OLA1: variants seen among roughly 807,000 people sequenced by gnomAD.
The protein encoded by OLA1 is Obg like ATPase 1, also known as obg-like ATPase 1.
A neutral mutation model predicts 48.4 loss-of-function variants in OLA1; 14 were observed. The observed-to-expected ratio is 0.29, with a 90% CI of 0.19 to 0.45. The LOEUF is 0.45. Among genes scored for constraint, OLA1 ranks in the 20% least tolerant of loss-of-function variants. OLA1 has a pLI of 1.00. For synonymous variants in OLA1, 127 were observed against 150.4 expected (o/e 0.84, Z 1.14); for missense variants, 325 against 467.1 (o/e 0.70, Z 2.80).
chr2:174,141,856 C>T lies in OLA1; in HGVS notation c.518G>A (p.Arg173Lys). The T allele has an allele frequency of 6.2e-7, 1 of 1,609,060 alleles. No individual in the cohort carries two copies. Among genetic ancestry groups the T allele is most frequent in the Non-Finnish European group, 8.5e-7 (1 of 1,179,212 alleles). The change falls in exon 5 of 11, where the codon AGA becomes AAA. Residue 173 changes from arginine (R) to lysine (K), a missense_variant. Physicochemically the swap from Arg to Lys is conservative, Grantham distance 26. Transcript: ENST00000284719. ...IIDKLEKVAV[R>K]GGDKKLKPEY... Reference sequence around the variant, plus strand: ...AGGTTTTAGTTTTTTATCTCCTCCTCTCACAGCCACCTTTTCTAGTTTATC... The same window carrying T: ...AGGTTTTAGTTTTTTATCTCCTCCTTTCACAGCCACCTTTTCTAGTTTATC...
chr2:174,082,589 G>A (rs886830059), intron 7 of OLA1, among the ~76,000 whole-genome samples: 2 of 152,112 alleles, frequency 1.3e-5, no homozygotes, highest in Admixed American at 6.6e-5. Context: ...TTTTGAGGAA[G>A]CTTTTTCCTA....
chr2:174,130,066 C>G (rs1686143167), intron 5 of OLA1, among the ~76,000 whole-genome samples: 1 of 152,242 alleles, frequency 6.6e-6, no homozygotes, highest in East Asian at 1.9e-4. Flanking sequence ...ATACAGCATC[C>G]TCCAACTATT....
chr2:174,196,882 G>C (rs566988339), intron 4 of OLA1, among the ~76,000 whole-genome samples: 1 of 152,122 alleles, frequency 6.6e-6, no homozygotes, highest in African/African-American at 2.4e-5. Flanking sequence ...ACCTAAAAAA[G>C]AAGCTGAATC....
Position 174,101,903 on chromosome 2 carries a change from A to G in OLA1, c.729-19839T>C, listed in dbSNP as rs149975015. Among the ~76,000 whole-genome samples the G allele has an allele frequency of 7.0e-3, 1,068 of 152,332 alleles. 15 individuals are homozygous for G. The highest frequency in any genetic ancestry group is 0.023 in the African/African-American group (973 of 41,566). Reference sequence around the variant, plus strand: ...TGAAGAGCCCAAGCCTAAATGACTCACAGGGTGCCAATACTAACAAAGACA... The same window carrying G: ...TGAAGAGCCCAAGCCTAAATGACTCGCAGGGTGCCAATACTAACAAAGACA... On this transcript the variant is annotated intron_variant, in intron 7 of 10. Coordinates refer to ENST00000284719, the MANE Select transcript of OLA1 (RefSeq NM_013341.5).
chr2:174,089,273 C>T (rs925532266), intron 7 of OLA1, among the ~76,000 whole-genome samples: 2 of 152,180 alleles, frequency 1.3e-5, no homozygotes, highest in African/African-American at 4.8e-5. Context: ...TTAACAAGCT[C>T]CCTGGGTGAT....
chr2:174,127,708 G>A (rs1686074706), intron 5 of OLA1, among the ~76,000 whole-genome samples: 1 of 152,080 alleles, frequency 6.6e-6, no homozygotes, highest in Non-Finnish European at 1.5e-5. Context: ...TAGTGACTTT[G>A]ATGGCAATAC....
chr2:174,189,466 A>G (rs1239076395), intron 4 of OLA1, among the ~76,000 whole-genome samples: 1 of 152,158 alleles, frequency 6.6e-6, no homozygotes, highest in Non-Finnish European at 1.5e-5. Flanking sequence ...AGAACAATAC[A>G]ATAAGGGACA....
At chr2:174,247,380 A>C (rs1689150284) in intron 1 of OLA1, 2 of 286,348 alleles carry the variant, frequency 7.0e-6, no homozygotes, top group Non-Finnish European at 1.3e-5. Context: ...TTAAATAAAT[A>C]AATAAATAAA....
intron 2 of OLA1, among the ~76,000 whole-genome samples, chr2:174,235,229 G>A (rs182491070): frequency 6.6e-6 from 1 of 152,248 alleles, no homozygotes; most frequent in East Asian, 1.9e-4. Context: ...CACAGTTACT[G>A]CTGAATACTA....
chr2:174,077,114 A>G (rs1684757897), intron 10 of OLA1, among the ~76,000 whole-genome samples: 1 of 152,158 alleles, frequency 6.6e-6, no homozygotes, highest in Admixed American at 6.6e-5. Flanking sequence ...CCATTTGTGA[A>G]TCTTGAGTAT....
intron 7 of OLA1, among the ~76,000 whole-genome samples, chr2:174,112,923 C>T (rs1050541682): frequency 3.3e-5 from 5 of 152,090 alleles, no homozygotes; most frequent in Admixed American, 2.0e-4. Flanking sequence ...ACTCCCTCAC[C>T]CCATCACTGA....
chr2:174,162,599 T>C (rs1162507596), intron 4 of OLA1, among the ~76,000 whole-genome samples: 2 of 152,250 alleles, frequency 1.3e-5, no homozygotes, highest in African/African-American at 2.4e-5. Flanking sequence ...TTTCAAACCA[T>C]GGCAATAATA....
In OLA1 at chr2:174,123,179, C is replaced by T. The variant is rs1205129430; in HGVS notation, c.728+1G>A. 1.4e-6 allele frequency: 2 copies of T among 1,454,766 alleles called. No individual in the cohort carries two copies. The highest frequency in any genetic ancestry group is 1.9e-6 in the Non-Finnish European group (2 of 1,040,846). The allele number at this position is 1,454,766 out of a possible 1,614,324, so 90.1% of individuals were successfully genotyped here. On this transcript the variant is annotated splice_donor_variant, in intron 7 of 10. Coordinates refer to ENST00000284719, the MANE Select transcript of OLA1 (RefSeq NM_013341.5). LOFTEE classifies it high-confidence loss of function. ...GGTATATCTGGTGAGGAAAAACTTA[C>T]CATTTGTTTTTCTTTCTAATGTAGT...
intron 4 of OLA1, among the ~76,000 whole-genome samples, chr2:174,148,697 T>C (rs1041995324): frequency 2.0e-5 from 3 of 152,168 alleles, no homozygotes; most frequent in African/African-American, 7.2e-5. Flanking sequence ...CACAGGGAAA[T>C]GCATGTCATT....
chr2:174,246,890 C>A (rs528915929), intron 1 of OLA1, 75 bp from the exon 2 acceptor site: 51 of 796,536 alleles, frequency 6.4e-5, no homozygotes, highest in South Asian at 9.6e-5. Context: ...TCATCACATA[C>A]AATATATTAT....
intron 4 of OLA1, among the ~76,000 whole-genome samples, chr2:174,144,941 A>ATATATATAT (rs1188016243): frequency 4.7e-5 from 3 of 64,296 alleles, no homozygotes; most frequent in Non-Finnish European, 6.2e-5. Context: ...AAAAAAAAAA[A>ATATATATAT]AAAAAAAAAA....
At chr2:174,219,577 G>A (rs1688452406) in intron 4 of OLA1, among the ~76,000 whole-genome samples, 1 of 151,712 alleles carries the variant, frequency 6.6e-6, no homozygotes, top group Non-Finnish European at 1.5e-5. Context: ...ACAGGCACAT[G>A]CCACCATACC....
intron 4 of OLA1, among the ~76,000 whole-genome samples, chr2:174,222,198 T>C (rs1252325074): frequency 1.3e-5 from 2 of 152,164 alleles, no homozygotes; most frequent in Non-Finnish European, 2.9e-5. Context: ...TGGTGTTTTA[T>C]AAAAGGCACA....
At chr2:174,092,052 G>A (rs1483968868) in intron 7 of OLA1, among the ~76,000 whole-genome samples, 1 of 150,034 alleles carries the variant, frequency 6.7e-6, no homozygotes, top group African/African-American at 2.5e-5. Context: ...ACTTGAACCT[G>A]GGAGGCGGAG....
Sources: gnomAD v4.1 joint callset for allele counts (sites outside exome capture counted in the v4.1 genomes callset) on GRCh38, gnomAD v4.1.1 for gene constraint, MANE v1.5 for transcripts, NCBI Gene and HGNC (gene_info 2026-07-23, HGNC 2026-07-21) for gene names.